The following CTSE variants were observed in gnomAD, a reference collection of about 807,000 sequenced individuals.
CTSE encodes the protein erythrocyte membrane aspartic proteinase.
Under a neutral mutation model 42.8 loss-of-function variants are expected in CTSE, and 43 were observed. The observed-to-expected ratio is 1.01, with a 90% CI of 0.79 to 1.30. The LOEUF (loss-of-function observed/expected upper bound fraction) is 1.30. CTSE is among the 50% of genes most tolerant of loss of function. The pLI, the probability that CTSE is intolerant of heterozygous loss-of-function variation, is 0.00. For synonymous variants in CTSE, 205 were observed against 191.5 expected (o/e 1.07, Z -0.58); for missense variants, 532 against 493.5 (o/e 1.08, Z -0.74).
chr1:206,017,307 T>C (rs1661290295), intron 4 of CTSE, among the ~76,000 whole-genome samples: 2 of 152,040 alleles, frequency 1.3e-5, no homozygotes, highest in South Asian at 4.1e-4. Flanking sequence ...CCAAAACTTT[T>C]TGAGTGCCAA....
chr1:206,021,618 C>A (rs1209180685), intron 3 of CTSE, among the ~76,000 whole-genome samples: 1 of 151,966 alleles, frequency 6.6e-6, no homozygotes, highest in Non-Finnish European at 1.5e-5. Flanking sequence ...CTGTATCGAA[C>A]AAGACATCTT....
chr1:206,022,126 G>C, intron 3 of CTSE, 24 bp downstream of exon 3: 1 of 1,498,286 alleles, frequency 6.7e-7, no homozygotes, highest in East Asian at 2.3e-5. Context: ...GACATTCTCT[G>C]CTGGTGCTCC....
chr1:206,022,927 T>G lies in CTSE; in HGVS notation c.199A>C (p.Lys67Gln), dbSNP rs1661485217. 1 of 1,591,878 alleles carries G rather than the reference T, an allele frequency of 6.3e-7. No homozygotes were observed. Among genetic ancestry groups the G allele is most frequent in the Non-Finnish European group, 8.6e-7 (1 of 1,166,422 alleles). Residue 67 changes from lysine to glutamine, a missense_variant, in exon 2 of 9, where the codon AAG becomes CAG. Lys to Gln is a moderately conservative substitution (Grantham distance 53). Coordinates refer to ENST00000358184, the MANE Select transcript of CTSE (RefSeq NM_001910.4). ...TCCAAGTAGTTGATGAGGGGTTCCT[T>G]GGCACTCTGGTCCATTGAGCAGGAC... ...TESCSMDQSA[K>Q]EPLINYLDME...
chr1:206,012,709 A>G (rs952483717), intron 6 of CTSE, 60 bp from the exon 7 acceptor site: 1 of 1,583,710 alleles, frequency 6.3e-7, no homozygotes, highest in Admixed American at 1.7e-5. Context: ...GGAAACTCCC[A>G]CTCTTTTTTG....
At position 206,021,130 on chromosome 1, in the gene CTSE, T is replaced by G. The variant is rs782289037; in HGVS notation, c.381A>C (p.Thr127=). 4 of 1,613,564 alleles carry G rather than the reference T, an allele frequency of 2.5e-6. No homozygotes were observed. ...AGAAAGATTGACCTGGCTGGCTGTA[T>G]GTGCTGGACTGGGAAGGCTGGAACC... ...HSRFQPSQSS[T]YSQPGQSFSI... Residue 127 remains threonine, a synonymous_variant, in exon 4 of 9, where the codon ACA becomes ACC. Coordinates refer to ENST00000358184, the MANE Select transcript of CTSE (RefSeq NM_001910.4).
rs782402686 is a variant in CTSE, at chr1:206,013,757, A to T, written c.785+15T>A. 3 of 1,612,790 alleles carry T rather than the reference A, an allele frequency of 1.9e-6. No individual in the cohort carries two copies. The highest frequency in any genetic ancestry group is 1.3e-5 in the African/African-American group (1 of 74,882). ...TTACCCCTAGTACTGTCACTACTTC[A>T]TGGGGAATACTCACTTATCCAGTGC... On this transcript the variant is annotated intron_variant, in intron 6 of 8. Transcript: ENST00000358184.
chr1:206,018,802 T>C (rs1238245988), intron 4 of CTSE, among the ~76,000 whole-genome samples: 1 of 152,020 alleles, frequency 6.6e-6, no homozygotes, highest in Non-Finnish European at 1.5e-5. Context: ...GGCTAACCAA[T>C]TTTATTACTC....
At chr1:206,015,843 C>T in intron 5 of CTSE, 88 bp downstream of exon 5, 1 of 1,209,740 alleles carries the variant, frequency 8.3e-7, no homozygotes. Context: ...GCTACCTAAA[C>T]CAGGTCTTTT....
In CTSE at chr1:206,010,211, C is replaced by A. The variant is rs782081424; in HGVS notation, c.1163G>T (p.Arg388Leu). Residue 388 changes from arginine to leucine, a missense_variant, in exon 9 of 9, where the codon CGT becomes CTT. Physicochemically the swap from Arg to Leu is moderately radical, Grantham distance 102. Transcript: ENST00000358184. ...FYSVFDRGNNRVGLAPAVP is the reference protein window; with the variant it reads ...FYSVFDRGNNLVGLAPAVP The stretch of plus-strand genomic sequence containing the variant: ...GGGGACTGCTGGGGCCAGTCCCACA[C>A]GGTTATTCCCACGGTCAAAGACTGA... The A allele has an allele frequency of 6.2e-7, 1 of 1,613,728 alleles. No individual in the cohort carries two copies. Among genetic ancestry groups the A allele is most frequent in the East Asian group, 2.2e-5 (1 of 44,876 alleles).
rs782115311 is a variant in CTSE, at chr1:206,022,955, G to A, written c.171C>T (p.Thr57=). ...CACTCTGGTCCATTGAGCAGGACTC[G>A]GTGAACTGGATCATGTCCAAATTAT... ...KSHNLDMIQF[T]ESCSMDQSAK... is the part of the protein sequence containing the mutation. Residue 57 remains threonine, a synonymous_variant, in exon 2 of 9, where the codon ACC becomes ACT. Transcript: ENST00000358184. 15 of 1,609,364 alleles carry A rather than the reference G, an allele frequency of 9.3e-6. No individual in the cohort carries two copies. In the Admixed American group the frequency reaches 1.0e-4, roughly 11 times the overall value.
intron 3 of CTSE, among the ~76,000 whole-genome samples, chr1:206,021,581 A>G (rs532799283): frequency 1.3e-5 from 2 of 152,038 alleles, no homozygotes; most frequent in South Asian, 2.1e-4. Context: ...TGGGGTTTCC[A>G]GAGACATTCT....
intron 8 of CTSE, among the ~76,000 whole-genome samples, chr1:206,011,123 G>A (rs1319416590): frequency 2.6e-5 from 4 of 151,938 alleles, no homozygotes; most frequent in African/African-American, 9.7e-5. Flanking sequence ...ACTGTACTGC[G>A]AAAGAACCAG....
At position 206,010,357 on chromosome 1, in the gene CTSE, G is replaced by A. The variant is rs1661057570; in HGVS notation, c.1027-10C>T. On this transcript the variant is annotated splice_polypyrimidine_tract_variant and intron_variant, in intron 8 of 8. Transcript: ENST00000358184. The stretch of plus-strand genomic sequence containing the variant: ...TTCCATCCACGAAGTCCTGTGGGTT[G>A]GAAAGAAGGATGCAAATGACAAACG... 10 of 1,610,144 alleles carry A rather than the reference G, an allele frequency of 6.2e-6. No individual in the cohort carries two copies. Among genetic ancestry groups the A allele is most frequent in the Non-Finnish European group, 8.5e-6 (10 of 1,176,884 alleles).
chr1:206,017,145 C>G (rs1661285012), intron 4 of CTSE, among the ~76,000 whole-genome samples: 1 of 151,968 alleles, frequency 6.6e-6, no homozygotes, highest in Admixed American at 6.6e-5. Context: ...GAGTAGAGTT[C>G]TCGCACATTT....
At chr1:206,021,636 CTCT>C (rs1352400633) in intron 3 of CTSE, among the ~76,000 whole-genome samples, 2 of 152,044 alleles carry the variant, frequency 1.3e-5, no homozygotes, top group South Asian at 4.2e-4. Flanking sequence ...CTTTCTGTAG[CTCT>C]TCTTTTCCAA....
At chr1:206,020,889 G>A (rs994050123) in intron 4 of CTSE, among the ~76,000 whole-genome samples, 160 bp downstream of exon 4, 3 of 152,002 alleles carry the variant, frequency 2.0e-5, no homozygotes, top group Non-Finnish European at 4.4e-5. Context: ...CTGACCCACT[G>A]CCACCATCTC....
intron 5 of CTSE, among the ~76,000 whole-genome samples, chr1:206,014,688 AT>A (rs782105473): frequency 4.6e-5 from 7 of 152,216 alleles, no homozygotes; most frequent in African/African-American, 1.7e-4. Flanking sequence ...CCTCAGTGAG[AT>A]GAAGCAATGT....
At chr1:206,015,875 T>C (rs1312907902) in intron 5 of CTSE, 56 bp downstream of exon 5, 18 of 1,516,362 alleles carry the variant, frequency 1.2e-5, no homozygotes, top group Non-Finnish European at 1.5e-5. Flanking sequence ...CAAGTGTATG[T>C]GTTGTCTCCC....
Position 206,023,801 on chromosome 1 carries a change from GA to G in CTSE, c.-11del. The G allele has an allele frequency of 6.2e-7, 1 of 1,613,104 alleles. No homozygotes were observed. On this transcript the variant is annotated 5_prime_UTR_variant, in exon 1 of 9. Transcript: ENST00000358184. ...GAAGGAGCGTTTTCATTGTGAGTCC[GA>G]CCAGCAGCTTCTCCCTTGCCCCCTC...
Sources: allele counts gnomAD v4.1 joint callset (sites outside exome capture counted in the v4.1 genomes callset), GRCh38; gene constraint gnomAD v4.1.1; transcripts MANE v1.5; gene names NCBI Gene and HGNC (gene_info 2026-07-23, HGNC 2026-07-21).